The following DPP6 variants were observed in gnomAD, a reference collection of about 807,000 sequenced individuals.
The protein encoded by DPP6 is dipeptidyl peptidase like 6.
DPP6 carries 69 observed loss-of-function variants against 122.6 expected under a neutral mutation model. The observed-to-expected ratio is 0.56, with a 90% CI of 0.46 to 0.69. DPP6 has a LOEUF of 0.69. Ranked by LOEUF, DPP6 falls within the 30% of genes least tolerant of loss-of-function variation. The pLI is 0.00. For missense variants in DPP6, 928 were observed against 1,116.9 expected (o/e 0.83, Z 2.41); for synonymous variants, 418 against 433.1 (o/e 0.97, Z 0.43).
At chr7:153,767,247 A>T in the DPP6 span, among the ~76,000 whole-genome samples, 3 of 152,214 alleles carry the variant, frequency 2.0e-5, no homozygotes, top group African/African-American at 7.2e-5. Flanking sequence ...CAGTTACATT[A>T]TAGCTCTTAT....
At chr7:154,549,214 T>G (rs570221178) in intron 4 of DPP6, among the ~76,000 whole-genome samples, 1 of 152,222 alleles carries the variant, frequency 6.6e-6, no homozygotes, top group Non-Finnish European at 1.5e-5. Context: ...ACCAACAAAG[T>G]TGGACATGTT....
chr7:154,734,154 T>G (rs1265104893), intron 8 of DPP6, among the ~76,000 whole-genome samples: 1 of 152,244 alleles, frequency 6.6e-6, no homozygotes, highest in Non-Finnish European at 1.5e-5. Context: ...ATGACACTTA[T>G]GCTACTTTTC....
chr7:153,925,967 T>A (rs1395282179), intron 1 of DPP6, among the ~76,000 whole-genome samples: 1 of 152,200 alleles, frequency 6.6e-6, no homozygotes, highest in South Asian at 2.1e-4. Flanking sequence ...TGATGATTCC[T>A]GCCGACCACA....
chr7:154,817,709 T>C (rs946261169), intron 16 of DPP6, among the ~76,000 whole-genome samples: 1 of 151,720 alleles, frequency 6.6e-6, no homozygotes, highest in Non-Finnish European at 1.5e-5. Flanking sequence ...GCATCATGAG[T>C]GATTGATGCC....
intron 7 of DPP6, among the ~76,000 whole-genome samples, chr7:154,675,845 G>A (rs1047083129): frequency 9.2e-5 from 14 of 152,170 alleles, no homozygotes; most frequent in African/African-American, 3.1e-4. Flanking sequence ...CACAGCAGGG[G>A]CTGTCACACT....
chr7:154,051,862 C>T (rs1367070315), upstream of DPP6, among the ~76,000 whole-genome samples: 1 of 150,390 alleles, frequency 6.6e-6, no homozygotes, highest in Non-Finnish European at 1.5e-5. Context: ...AGGGCGGCCT[C>T]TTCACCAGCG....
At chr7:154,628,201 A>T (rs973466629) in intron 5 of DPP6, among the ~76,000 whole-genome samples, 2 of 152,192 alleles carry the variant, frequency 1.3e-5, no homozygotes, top group Admixed American at 6.5e-5. Flanking sequence ...GAGCCTTTTC[A>T]GTGTTGAAGT....
intron 9 of DPP6, among the ~76,000 whole-genome samples, chr7:154,772,578 C>T (rs931703741): frequency 2.0e-5 from 3 of 152,180 alleles, no homozygotes; most frequent in Admixed American, 6.5e-5. Context: ...GGGCTCAGTA[C>T]TCACTTGACA....
At chr7:154,854,279 T>G (rs1802640432) in intron 17 of DPP6, among the ~76,000 whole-genome samples, 1 of 152,138 alleles carries the variant, frequency 6.6e-6, no homozygotes, top group Admixed American at 6.5e-5. Context: ...AGAGAAAAAC[T>G]TATTCTGCCA....
intron 5 of DPP6, among the ~76,000 whole-genome samples, chr7:154,595,546 C>T (rs1833044138): frequency 6.6e-6 from 1 of 152,222 alleles, no homozygotes; most frequent in East Asian, 1.9e-4. Flanking sequence ...CCTTTCTCCA[C>T]TGTGAGCTGA....
the DPP6 span, among the ~76,000 whole-genome samples, chr7:153,812,171 T>A: frequency 6.6e-6 from 1 of 152,168 alleles, no homozygotes. Context: ...TTGCTTCTAT[T>A]TGTCTTCTTG....
intron 7 of DPP6, among the ~76,000 whole-genome samples, chr7:154,681,457 T>G (rs1839273390): frequency 6.6e-6 from 1 of 152,244 alleles, no homozygotes; most frequent in Non-Finnish European, 1.5e-5. Context: ...TAGTTATAAA[T>G]GAACATAACC....
At chr7:154,033,487 G>A (rs1184127916) in intron 1 of DPP6, among the ~76,000 whole-genome samples, 1 of 152,250 alleles carries the variant, frequency 6.6e-6, no homozygotes, top group Non-Finnish European at 1.5e-5. Flanking sequence ...AGTGTAAGAA[G>A]GAACTCCTGG....
chr7:153,976,265 A>G (rs1280330422), intron 1 of DPP6, among the ~76,000 whole-genome samples: 2 of 152,176 alleles, frequency 1.3e-5, no homozygotes, highest in Non-Finnish European at 2.9e-5. Flanking sequence ...CAGCAAACCC[A>G]GTGTTCTCTA....
At position 154,383,551 on chromosome 7, in the gene DPP6, T is replaced by C. The variant is rs544933271; in HGVS notation, c.244-62663T>C. Among the ~76,000 whole-genome samples, 5 of 152,236 alleles carry C rather than the reference T, an allele frequency of 3.3e-5. No homozygotes were observed. In the South Asian group the frequency reaches 6.2e-4, roughly 19 times the overall value. On this transcript the variant is annotated intron_variant, in intron 1 of 25. Coordinates refer to ENST00000377770, the MANE Select transcript of DPP6 (RefSeq NM_130797.4). ...TTGTCAATAATTACATGAAAAAATA[T>C]GGTGGAAGATTTTTTTCTCTGATTA...
At chr7:154,781,764 C>T (rs1003471939) in intron 10 of DPP6, among the ~76,000 whole-genome samples, 3 of 152,016 alleles carry the variant, frequency 2.0e-5, no homozygotes, top group Non-Finnish European at 4.4e-5. Flanking sequence ...TAAAAAAATA[C>T]CAGAGTTAAC....
At chr7:154,431,271 C>A (rs575821293) in intron 1 of DPP6, among the ~76,000 whole-genome samples, 1 of 152,166 alleles carries the variant, frequency 6.6e-6, no homozygotes, top group Admixed American at 6.5e-5. Context: ...CAGCTCAGGG[C>A]TGCTCCAGCA....
chr7:153,941,404 G>A (rs569003397), intron 1 of DPP6, among the ~76,000 whole-genome samples: 152 of 152,304 alleles, frequency 1.0e-3, no homozygotes, highest in African/African-American at 3.5e-3. Flanking sequence ...GCTGGGTGAT[G>A]TCTGTAATGA....
At chr7:153,997,487 G>A (rs1797496558) in intron 1 of DPP6, among the ~76,000 whole-genome samples, 1 of 151,918 alleles carries the variant, frequency 6.6e-6, no homozygotes, top group Non-Finnish European at 1.5e-5. Context: ...AGCACCTGCT[G>A]TAAGCCAGGC....
Sources: allele counts gnomAD v4.1 joint callset (sites outside exome capture counted in the v4.1 genomes callset), GRCh38; gene constraint gnomAD v4.1.1; transcripts MANE v1.5; gene names NCBI Gene and HGNC (gene_info 2026-07-23, HGNC 2026-07-21).